The following YY1 variants were observed in gnomAD, a reference collection of about 807,000 sequenced individuals.
YY1 encodes the protein YY1 transcription factor.
Under a neutral mutation model 35.6 loss-of-function variants are expected in YY1, and 2 were observed. That is an observed-to-expected ratio of 0.06 (90% CI 0.02 to 0.18). The LOEUF (loss-of-function observed/expected upper bound fraction) is 0.18. Ranked by LOEUF, YY1 falls within the 10% of genes least tolerant of loss-of-function variation. The pLI, the probability that YY1 is intolerant of heterozygous loss-of-function variation, is 1.00. For missense variants in YY1, 322 were observed against 573.4 expected (o/e 0.56, Z 4.48); for synonymous variants, 268 against 238.9 (o/e 1.12, Z -1.12).
chr14:100,259,781 T>C (rs1891054895), intron 1 of YY1, among the ~76,000 whole-genome samples: 1 of 152,234 alleles, frequency 6.6e-6, no homozygotes, highest in East Asian at 1.9e-4. Context: ...AAAAGCTGGT[T>C]AGAATATAGA....
rs7154410 is a variant in YY1, at chr14:100,249,788, T to G, written c.679+9865T>G. On this transcript the variant is annotated intron_variant, in intron 1 of 4. Coordinates refer to ENST00000262238, the MANE Select transcript of YY1 (RefSeq NM_003403.5). ...TGTTTTTGTTTTTGTTTTTGTTTTT[T>G]TTTGAGACAGAGTCTTGCTCTGTCG... Among the ~76,000 whole-genome samples, 710 of 107,052 alleles carry G rather than the reference T, an allele frequency of 6.6e-3. 6 individuals are homozygous for G. Among genetic ancestry groups the G allele is most frequent in the African/African-American group, 0.02 (529 of 26,200 alleles). The allele number at this position is 107,052 out of a possible 152,430, so 70.2% of individuals were successfully genotyped here.
In YY1 at chr14:100,282,320, ATG is replaced by A. The variant is rs1388383436; in HGVS notation, c.*4724_*4725del. The A allele has an allele frequency of 2.0e-5, 3 of 150,924 alleles. No homozygotes were observed. Among genetic ancestry groups the A allele is most frequent in the Non-Finnish European group, 2.9e-5 (2 of 67,802 alleles). 9.3% of individuals were successfully genotyped at this position (150,924 alleles called of 1,614,324 possible). On this transcript the variant is annotated 3_prime_UTR_variant, in exon 5 of 5. Coordinates refer to ENST00000262238, the MANE Select transcript of YY1 (RefSeq NM_003403.5). ...TGTAAAAAAAAAAAACAGCACTGGG[ATG>A]TGTTGAGGAGGGGGCAGTTTGCTGT...
chr14:100,269,288 C>T (rs1481660295), intron 2 of YY1, among the ~76,000 whole-genome samples: 1 of 152,148 alleles, frequency 6.6e-6, no homozygotes, highest in Non-Finnish European at 1.5e-5. Context: ...ACATACAGCT[C>T]TTAAGTAGGT....
intron 1 of YY1, among the ~76,000 whole-genome samples, chr14:100,256,863 A>AT (rs34518022): frequency 0.35 from 51,305 of 147,306 alleles, 8,758 homozygotes; most frequent in South Asian, 0.54. Context: ...TTTTACCACA[A>AT]TTTTTTTTTT....
Position 100,276,388 on chromosome 14 carries a change from G to T in YY1, c.904-102G>T. The T allele has an allele frequency of 6.7e-7, 1 of 1,498,852 alleles. No homozygotes were observed. Among genetic ancestry groups the T allele is most frequent in the Non-Finnish European group, 9.2e-7 (1 of 1,081,134 alleles). 92.8% of individuals were successfully genotyped at this position (1,498,852 alleles called of 1,614,324 possible). ...AAGTAAAATTAAAATGGGGGGTTGG[G>T]GAGGTGGTTTTGTTTTAATATGTCA... On this transcript the variant is annotated intron_variant, in intron 3 of 4. Coordinates refer to ENST00000262238, the MANE Select transcript of YY1 (RefSeq NM_003403.5). This position sits in a 1 kb window ranked among gnomAD's most constrained non-coding sequence, Gnocchi z 4.1.
chr14:100,241,910 G>T (rs1219508630), intron 1 of YY1, among the ~76,000 whole-genome samples: 4 of 142,024 alleles, frequency 2.8e-5, no homozygotes, highest in African/African-American at 5.2e-5. Context: ...GGAGGCAGAG[G>T]TTAACAGTGA....
rs145837831 is a variant in YY1, at chr14:100,278,692, C to G, written c.*1092C>G. 1.3e-5 allele frequency: 2 copies of G among 152,230 alleles called. No homozygotes were observed. Among genetic ancestry groups the G allele is most frequent in the African/African-American group, 4.8e-5 (2 of 41,456 alleles). The allele number at this position is 152,230 out of a possible 1,614,324, so 9.4% of individuals were successfully genotyped here. A position where few individuals can be genotyped will look rare whatever the true frequency, so the allele number is the denominator to read the frequency against. ...GAAAGAGAGTAGGTAACAGGCATCC[C>G]GAGTTCAGGAACTACCTCAGAACAC... On this transcript the variant is annotated 3_prime_UTR_variant, in exon 5 of 5. Transcript: ENST00000262238.
At chr14:100,271,598 C>T (rs1359076916) in intron 2 of YY1, among the ~76,000 whole-genome samples, 7 of 151,826 alleles carry the variant, frequency 4.6e-5, no homozygotes, top group Non-Finnish European at 8.8e-5. Flanking sequence ...GGCTAGGACT[C>T]GGGTTTAAAT....
Position 100,239,167 on chromosome 14 carries a change from G to A in YY1, c.-78G>A, listed in dbSNP as rs1198878970. Reference sequence around the variant, plus strand: ...TCCTCCCTCTGCCTTCCTTCCCCACGGCCGGCCGCCTCCTCGCCCGCCCGC... The same window carrying A: ...TCCTCCCTCTGCCTTCCTTCCCCACAGCCGGCCGCCTCCTCGCCCGCCCGC... On this transcript the variant is annotated 5_prime_UTR_variant, in exon 1 of 5. Coordinates refer to ENST00000262238, the MANE Select transcript of YY1 (RefSeq NM_003403.5). 1 of 1,141,636 alleles carries A rather than the reference G, an allele frequency of 8.8e-7. No individual in the cohort carries two copies. The highest frequency in any genetic ancestry group is 1.8e-5 in the African/African-American group (1 of 54,734). The allele number at this position is 1,141,636 out of a possible 1,614,324, so 70.7% of individuals were successfully genotyped here.
intron 2 of YY1, among the ~76,000 whole-genome samples, chr14:100,271,538 G>C (rs952873706): frequency 6.6e-6 from 1 of 152,186 alleles, no homozygotes; most frequent in African/African-American, 2.4e-5. Context: ...CTTAGGAACA[G>C]TAGCACTTTG....
At chr14:100,254,553 G>A in intron 1 of YY1, among the ~76,000 whole-genome samples, 1 of 152,086 alleles carries the variant, frequency 6.6e-6, no homozygotes, top group Non-Finnish European at 1.5e-5. Flanking sequence ...TACCTCCCAG[G>A]TTCAAGCGGT....
intron 1 of YY1, among the ~76,000 whole-genome samples, chr14:100,254,771 A>T (rs1890976745): frequency 9.2e-6 from 1 of 108,714 alleles, no homozygotes; most frequent in Non-Finnish European, 1.9e-5. Flanking sequence ...TTATTTATTT[A>T]TTTATTTTTT....
intron 3 of YY1, among the ~76,000 whole-genome samples, chr14:100,275,444 C>G (rs1039757332): frequency 1.3e-5 from 2 of 152,134 alleles, no homozygotes; most frequent in African/African-American, 4.8e-5. Flanking sequence ...TCTTTGTCAG[C>G]GTTCTTGATG....
Position 100,276,775 on chromosome 14 carries a change from A to C in YY1, c.1062+127A>C. The C allele has an allele frequency of 7.0e-7, 1 of 1,429,936 alleles. No individual in the cohort carries two copies. Among genetic ancestry groups the C allele is most frequent in the Non-Finnish European group, 9.6e-7 (1 of 1,036,678 alleles). 88.6% of individuals were successfully genotyped at this position (1,429,936 alleles called of 1,614,324 possible). On this transcript the variant is annotated intron_variant, in intron 4 of 4. Transcript: ENST00000262238. This position sits in a 1 kb window ranked among gnomAD's most constrained non-coding sequence, Gnocchi z 4.1. ...AGGGTCTTATTACTCCTTGGTGAGA[A>C]ACAAAACTTCTCCTGGGGAGTCGCT...
At position 100,278,775 on chromosome 14, in the gene YY1, ATCTGTAC is replaced by A. The variant is rs1891364848; in HGVS notation, c.*1176_*1182del. The A allele has an allele frequency of 6.6e-6, 1 of 152,306 alleles. No homozygotes were observed. Among genetic ancestry groups the A allele is most frequent in the African/African-American group, 2.4e-5 (1 of 41,474 alleles). The allele number at this position is 152,306 out of a possible 1,614,324, so 9.4% of individuals were successfully genotyped here. On this transcript the variant is annotated 3_prime_UTR_variant, in exon 5 of 5. Coordinates refer to ENST00000262238, the MANE Select transcript of YY1 (RefSeq NM_003403.5). ...AGCCCCCGGCAAGTGTGAGTGAAGC[ATCTGTAC>A]CACCGCGCAGGCTGAGCGCCTGCGC... is the stretch of plus-strand genomic sequence containing the variant.
At chr14:100,247,375 CT>C (rs961409524) in intron 1 of YY1, among the ~76,000 whole-genome samples, 15 of 147,710 alleles carry the variant, frequency 1.0e-4, no homozygotes, top group African/African-American at 2.7e-4. Context: ...ATGAATTTTT[CT>C]TTTTTTCTTT....
intron 1 of YY1, among the ~76,000 whole-genome samples, chr14:100,249,757 TTTGTTTGTTTTTG>T (rs1417415161): frequency 1.3e-4 from 12 of 90,096 alleles, no homozygotes; most frequent in Non-Finnish European, 2.7e-4. Context: ...CGTTTTTTTT[TTTGTTTGTTTTTG>T]TTTTTGTTTT....
rs531487587 is a variant in YY1, at chr14:100,257,932, C to T, written c.680-4372C>T. Reference sequence around the variant, plus strand: ...GGCGGATTGCTTCAGCCCAGGAGTTCGAAACCAGCCTAGGTAACATAGTGA... The same window carrying T: ...GGCGGATTGCTTCAGCCCAGGAGTTTGAAACCAGCCTAGGTAACATAGTGA... On this transcript the variant is annotated intron_variant, in intron 1 of 4. Coordinates refer to ENST00000262238, the MANE Select transcript of YY1 (RefSeq NM_003403.5). Among the ~76,000 whole-genome samples the T allele has an allele frequency of 7.2e-5, 11 of 152,068 alleles. No homozygotes were observed. The East Asian group carries it at 1.4e-3, about 19-fold the overall frequency.
At position 100,260,469 on chromosome 14, in the gene YY1, A is replaced by AT. The variant is rs34225673; in HGVS notation, c.680-1821dup. ...TATACACACACACACACATATATGT[A>AT]TTTTTTTTTTTTTTCTTTTTTGAGA... On this transcript the variant is annotated intron_variant, in intron 1 of 4. Coordinates refer to ENST00000262238, the MANE Select transcript of YY1 (RefSeq NM_003403.5). 7.0e-4 allele frequency among the ~76,000 whole-genome samples: 97 copies of AT among 139,144 alleles called. 1 individual carries two copies. Among genetic ancestry groups the AT allele is most frequent in the East Asian group, 5.1e-3 (24 of 4,706 alleles). The allele number at this position is 139,144 out of a possible 152,430, so 91.3% of individuals were successfully genotyped here.
Sources: allele counts gnomAD v4.1 joint callset (sites outside exome capture counted in the v4.1 genomes callset), GRCh38; gene constraint gnomAD v4.1.1; non-coding constraint Gnocchi (gnomAD v3.1); transcripts MANE v1.5; gene names NCBI Gene and HGNC (gene_info 2026-07-23, HGNC 2026-07-21).